The following TOM1L2 variants were observed in gnomAD, a reference collection of about 807,000 sequenced individuals.
The protein encoded by TOM1L2 is TOM1-like protein 2.
In TOM1L2, 31 loss-of-function variants were observed where a neutral mutation model predicts 67.9. That is an observed-to-expected ratio of 0.46 (90% confidence interval 0.34 to 0.62). The LOEUF is 0.62. TOM1L2 is among the 20% of genes least tolerant of loss of function. TOM1L2 has a pLI of 0.01. For synonymous variants in TOM1L2, 256 were observed against 254.0 expected (o/e 1.01, Z -0.07); for missense variants, 606 against 663.5 (o/e 0.91, Z 0.95).
At chr17:17,971,384 C>T (rs2042073976) in intron 1 of TOM1L2, among the ~76,000 whole-genome samples, 1 of 152,118 alleles carries the variant, frequency 6.6e-6, no homozygotes, top group African/African-American at 2.4e-5. Context: ...GTCCAGGGCT[C>T]TTATCATTAA....
chr17:17,922,457 G>A (rs1004225186), intron 1 of TOM1L2, among the ~76,000 whole-genome samples: 5 of 152,172 alleles, frequency 3.3e-5, no homozygotes, highest in Admixed American at 1.3e-4. Flanking sequence ...TAACAGCATG[G>A]GGGCTGTAGT....
intron 1 of TOM1L2, among the ~76,000 whole-genome samples, chr17:17,948,220 TG>T (rs2041037005): frequency 1.3e-5 from 2 of 152,234 alleles, no homozygotes; most frequent in African/African-American, 4.8e-5. Context: ...TGAGACTTGC[TG>T]TACTGGATAA....
chr17:17,868,478 A>C (rs937059436), intron 8 of TOM1L2, among the ~76,000 whole-genome samples: 2 of 152,202 alleles, frequency 1.3e-5, no homozygotes, highest in Non-Finnish European at 2.9e-5. Context: ...GGTGCGGCAG[A>C]GGGGACCAGG....
intron 1 of TOM1L2, among the ~76,000 whole-genome samples, chr17:17,950,448 T>TA (rs1292887091): frequency 2.6e-5 from 4 of 152,002 alleles, no homozygotes; most frequent in Non-Finnish European, 5.9e-5. Context: ...CGTGAGTCAC[T>TA]ATGCCTAGCC....
intron 1 of TOM1L2, among the ~76,000 whole-genome samples, chr17:17,959,615 T>C (rs1453278205): frequency 6.6e-6 from 1 of 152,168 alleles, no homozygotes; most frequent in East Asian, 1.9e-4. Context: ...TCAGGCCTCA[T>C]TTCCTATTTC....
chr17:17,954,064 C>T (rs1259504621), intron 1 of TOM1L2, among the ~76,000 whole-genome samples: 1 of 152,206 alleles, frequency 6.6e-6, no homozygotes, highest in African/African-American at 2.4e-5. Context: ...TTATAAGTGC[C>T]ACTGCAGTTC....
At chr17:17,852,058 T>C (rs2036007791) in intron 12 of TOM1L2, among the ~76,000 whole-genome samples, 2 of 152,226 alleles carry the variant, frequency 1.3e-5, no homozygotes, top group African/African-American at 4.8e-5. Flanking sequence ...ACCCTGGCTC[T>C]GGGAGGTACC....
At chr17:17,915,076 T>G (rs942834708) in intron 1 of TOM1L2, among the ~76,000 whole-genome samples, 5 of 152,234 alleles carry the variant, frequency 3.3e-5, no homozygotes, top group African/African-American at 7.2e-5. Context: ...TCACCATAGC[T>G]GCATCCAGTA....
At chr17:17,968,750 ACTCCCCACAGCCACCT>A (rs1027092709) in intron 1 of TOM1L2, among the ~76,000 whole-genome samples, 3 of 149,666 alleles carry the variant, frequency 2.0e-5, no homozygotes, top group African/African-American at 7.4e-5. Flanking sequence ...ACTTGCCACC[ACTCCCCACAGCCACCT>A]CTGCTCCATT....
chr17:17,939,278 T>C (rs1169942023), intron 1 of TOM1L2, among the ~76,000 whole-genome samples: 1 of 152,210 alleles, frequency 6.6e-6, no homozygotes, highest in Non-Finnish European at 1.5e-5. Flanking sequence ...ACCTTAACTT[T>C]CATCTGATGG....
In TOM1L2 at chr17:17,847,611, T is replaced by A; in HGVS notation, c.*24A>T. 6.3e-7 allele frequency: 1 copy of A among 1,585,960 alleles called. No homozygotes were observed. The highest frequency in any genetic ancestry group is 8.6e-7 in the Non-Finnish European group (1 of 1,165,930). On this transcript the variant is annotated 3_prime_UTR_variant, in exon 15 of 15. Transcript: ENST00000379504. ...GGGGTGCGAGCGGGGACCCGCCATCTGGGGAGGCAAACCACAGAGCTGCTC... is the reference window on the plus strand; with the variant it reads ...GGGGTGCGAGCGGGGACCCGCCATCAGGGGAGGCAAACCACAGAGCTGCTC...
chr17:17,884,842 C>T (rs879584175), intron 4 of TOM1L2, 74 bp from the exon 5 acceptor site: 22 of 1,591,070 alleles, frequency 1.4e-5, no homozygotes, highest in South Asian at 5.6e-5. Context: ...AAGTGGCCCA[C>T]GTCCTCTCCC....
At chr17:17,856,323 G>T (rs2036249832) in intron 12 of TOM1L2, among the ~76,000 whole-genome samples, 1 of 152,284 alleles carries the variant, frequency 6.6e-6, no homozygotes, top group Non-Finnish European at 1.5e-5. Flanking sequence ...CTCTAAGAAT[G>T]GGCTTGGGGT....
chr17:17,967,075 A>G (rs2041898823), intron 1 of TOM1L2, among the ~76,000 whole-genome samples: 2 of 152,184 alleles, frequency 1.3e-5, no homozygotes. Context: ...CATCTACCCT[A>G]TTAGTTGTGT....
At chr17:17,894,035 C>A (rs2038430836) in intron 3 of TOM1L2, among the ~76,000 whole-genome samples, 1 of 152,194 alleles carries the variant, frequency 6.6e-6, no homozygotes, top group South Asian at 2.1e-4. Flanking sequence ...TGTCCCTGCA[C>A]AATAATCAGG....
intron 7 of TOM1L2, among the ~76,000 whole-genome samples, chr17:17,872,277 T>C (rs1422422926): frequency 6.6e-6 from 1 of 152,190 alleles, no homozygotes; most frequent in African/African-American, 2.4e-5. Context: ...AACAATCACA[T>C]AGATCACGTG....
chr17:17,851,407 G>A (rs1392339180), intron 12 of TOM1L2: 5 of 243,248 alleles, frequency 2.1e-5, no homozygotes, highest in African/African-American at 9.1e-5. Context: ...CCAGAGCGGG[G>A]TACAGGTGCT....
intron 3 of TOM1L2, among the ~76,000 whole-genome samples, chr17:17,894,806 C>T (rs1049975744): frequency 1.3e-5 from 2 of 152,210 alleles, no homozygotes; most frequent in Non-Finnish European, 2.9e-5. Context: ...TGGCACATGC[C>T]TGTAATCCCA....
At chr17:17,893,551 A>T in intron 4 of TOM1L2, 110 bp downstream of exon 4, 1 of 1,064,986 alleles carries the variant, frequency 9.4e-7, no homozygotes, top group Non-Finnish European at 1.3e-6. Flanking sequence ...TTTTAAATGT[A>T]GAAGTCTCCA....
Sources: gnomAD v4.1 joint callset for allele counts (sites outside exome capture counted in the v4.1 genomes callset) on GRCh38, gnomAD v4.1.1 for gene constraint, MANE v1.5 for transcripts, NCBI Gene and HGNC (gene_info 2026-07-23, HGNC 2026-07-21) for gene names.